USP46: variants seen among roughly 807,000 people sequenced by gnomAD.
The protein encoded by USP46 is ubiquitin carboxyl-terminal hydrolase 46.
USP46 carries 12 observed loss-of-function variants against 44.4 expected under a neutral mutation model. That is an observed-to-expected ratio of 0.27 (90% CI 0.17 to 0.44). The LOEUF (loss-of-function observed/expected upper bound fraction) is 0.44, where lower values mean the gene tolerates loss of function less well. Among genes scored for constraint, USP46 ranks in the 20% least tolerant of loss-of-function variants. The pLI is 1.00. For missense variants in USP46, 248 were observed against 444.8 expected, an observed-to-expected ratio of 0.56 and a Z score of 3.98; for synonymous variants, 155 against 161.5, an observed-to-expected ratio of 0.96 and a Z score of 0.31.
intron 4 of USP46, among the ~76,000 whole-genome samples, chr4:52,611,262 G>A (rs374647215): frequency 5.9e-5 from 9 of 152,350 alleles, no homozygotes; most frequent in African/African-American, 1.9e-4. Flanking sequence ...CCGCCATACC[G>A]TGGGCAGCTC....
intron 7 of USP46, among the ~76,000 whole-genome samples, chr4:52,601,254 C>T (rs1468795903): frequency 6.6e-6 from 1 of 152,148 alleles, no homozygotes; most frequent in Non-Finnish European, 1.5e-5. Context: ...TACTTTTCTT[C>T]CCTTATACCA....
chr4:52,591,782 A>G lies in USP46; in HGVS notation c.*5858T>C, dbSNP rs903008144. 1 of 152,190 alleles carries G rather than the reference A, an allele frequency of 6.6e-6. No homozygotes were observed. Among genetic ancestry groups the G allele is most frequent in the Non-Finnish European group, 1.5e-5 (1 of 68,044 alleles). The allele number at this position is 152,190 out of a possible 1,614,324, so 9.4% of individuals were successfully genotyped here. A position where few individuals can be genotyped will look rare whatever the true frequency, so the allele number is the denominator to read the frequency against. ...TGCACCAATAAATCGCTTATGCCCT[A>G]TCTTATTTTGGTAAGTCTAGATAGG... On this transcript the variant is annotated 3_prime_UTR_variant, in exon 9 of 9. Coordinates refer to ENST00000441222, the MANE Select transcript of USP46 (RefSeq NM_022832.4).
chr4:52,637,832 C>T (rs893012874), intron 1 of USP46, among the ~76,000 whole-genome samples: 2 of 152,194 alleles, frequency 1.3e-5, no homozygotes, highest in African/African-American at 4.8e-5. Context: ...TCCTGCCCCT[C>T]ATCCCCTGTT....
chr4:52,628,112 G>A lies in USP46; in HGVS notation c.169C>T (p.Arg57Cys). Residue 57 changes from arginine (R) to cysteine (C), a missense_variant, in exon 3 of 9, where the codon CGT becomes TGT. Arg to Cys is a radical substitution (Grantham distance 180, BLOSUM62 -3). Transcript: ENST00000441222. ...NSVLQALYFC[R>C]PFRENVLAYK... ...GCCAACACATTCTCCCGGAATGGAC[G>A]GCAGAAGTACAATGCCTGAAGCACG... 11 of 1,613,916 alleles carry A rather than the reference G, an allele frequency of 6.8e-6. No homozygotes were observed. Among genetic ancestry groups the A allele is most frequent in the Non-Finnish European group, 8.5e-6 (10 of 1,179,870 alleles).
intron 4 of USP46, among the ~76,000 whole-genome samples, chr4:52,611,935 G>C (rs962642447): frequency 2.6e-5 from 4 of 152,082 alleles, no homozygotes; most frequent in African/African-American, 9.7e-5. Context: ...CACAAGAATG[G>C]TTATTGCCCA....
At chr4:52,635,888 G>A (rs747842688) in intron 1 of USP46, among the ~76,000 whole-genome samples, 1 of 152,188 alleles carries the variant, frequency 6.6e-6, no homozygotes, top group Admixed American at 6.5e-5. Context: ...GGGAGAAGTG[G>A]GGGTGGAGGA....
chr4:52,634,926 T>C (rs986495608), intron 1 of USP46, among the ~76,000 whole-genome samples: 9 of 152,220 alleles, frequency 5.9e-5, no homozygotes, highest in African/African-American at 1.9e-4. Flanking sequence ...TATTTTTCAA[T>C]TGTCTTTTAT....
chr4:52,643,743 T>C (rs890710573), intron 1 of USP46, among the ~76,000 whole-genome samples: 3 of 152,192 alleles, frequency 2.0e-5, no homozygotes, highest in Non-Finnish European at 4.4e-5. Context: ...TCATTTAATC[T>C]TGCCTGCCAC....
At chr4:52,624,997 A>C (rs1717520721) in intron 4 of USP46, among the ~76,000 whole-genome samples, 1 of 152,196 alleles carries the variant, frequency 6.6e-6, no homozygotes, top group Non-Finnish European at 1.5e-5. Context: ...AGACCAGACT[A>C]AGACACAGGC....
rs79706269 is a variant in USP46, at chr4:52,657,791, C to T, written c.36+1324G>A. ...TGTGCAGCTATCACTCTGGGAGGCC[C>T]CAGCATTTGCTTTGCTGGCCGTGAC... On this transcript the variant is annotated intron_variant, in intron 1 of 8. Transcript: ENST00000441222. 9.5e-3 allele frequency among the ~76,000 whole-genome samples: 1,451 copies of T among 152,328 alleles called. 45 individuals carry two copies. The highest frequency in any genetic ancestry group is 0.084 in the East Asian group (433 of 5,178).
Position 52,623,787 on chromosome 4 carries a change from G to A in USP46, c.561+2231C>T, listed in dbSNP as rs558707609. Among the ~76,000 whole-genome samples the A allele has an allele frequency of 3.2e-4, 49 of 152,144 alleles. No individual in the cohort carries two copies. In the South Asian group the frequency reaches 3.3e-3, roughly 10 times the overall value. On this transcript the variant is annotated intron_variant, in intron 4 of 8. Coordinates refer to ENST00000441222, the MANE Select transcript of USP46 (RefSeq NM_022832.4). ...CTAAAAATACAAGAGTTAGCCAGGC[G>A]TGGTGGTGGGCGCCTGTAATCCCAG...
At chr4:52,658,044 C>T (rs889908164) in intron 1 of USP46, 1 of 355,956 alleles carries the variant, frequency 2.8e-6, no homozygotes, top group Non-Finnish European at 5.6e-6. Context: ...GTATTACTAG[C>T]TTCAAGGGAG....
At chr4:52,657,955 T>C (rs1719016066) in intron 1 of USP46, among the ~76,000 whole-genome samples, 1 of 152,286 alleles carries the variant, frequency 6.6e-6, no homozygotes, top group East Asian at 1.9e-4. Context: ...TAAAAAGCTA[T>C]GTGATGGGGG....
At chr4:52,644,218 T>C (rs1277341713) in intron 1 of USP46, among the ~76,000 whole-genome samples, 2 of 152,156 alleles carry the variant, frequency 1.3e-5, no homozygotes, top group Non-Finnish European at 2.9e-5. Context: ...CAAGGTCAAG[T>C]GTTAGCATGA....
intron 1 of USP46, among the ~76,000 whole-genome samples, chr4:52,645,302 T>C (rs994444830): frequency 2.6e-5 from 4 of 151,306 alleles, no homozygotes; most frequent in African/African-American, 9.7e-5. Flanking sequence ...CATCTGCCAC[T>C]GAAGAAAGCT....
intron 1 of USP46, among the ~76,000 whole-genome samples, chr4:52,640,996 G>C (rs1718319201): frequency 1.3e-5 from 2 of 151,228 alleles, no homozygotes; most frequent in Non-Finnish European, 2.9e-5. Flanking sequence ...TTAACTTCCT[G>C]GCTGAGAGGC....
rs1419088036 is a variant in USP46 at position 52,593,277 on chromosome 4, C to T, written c.*4363G>A. The T allele has an allele frequency of 4.6e-6, 1 of 218,342 alleles. No individual in the cohort carries two copies. The highest frequency in any genetic ancestry group is 8.9e-6 in the Non-Finnish European group (1 of 111,766). The allele number at this position is 218,342 out of a possible 1,614,324, so 13.5% of individuals were successfully genotyped here. A position where few individuals can be genotyped will look rare whatever the true frequency, so the allele number is the denominator to read the frequency against. On this transcript the variant is annotated 3_prime_UTR_variant, in exon 9 of 9. Coordinates refer to ENST00000441222, the MANE Select transcript of USP46 (RefSeq NM_022832.4). ...CTATAAATCCCAGGACAAAGTGAGG[C>T]CTAGGAAAGAAAAACACAGTCCCAA...
intron 4 of USP46, among the ~76,000 whole-genome samples, chr4:52,614,719 T>C (rs1717056212): frequency 6.6e-6 from 1 of 152,212 alleles, no homozygotes; most frequent in South Asian, 2.1e-4. Context: ...ATGATAAATA[T>C]TTGTGCAAAT....
intron 1 of USP46, among the ~76,000 whole-genome samples, chr4:52,649,147 G>A (rs1370852580): frequency 2.0e-5 from 3 of 152,156 alleles, no homozygotes; most frequent in African/African-American, 4.8e-5. Flanking sequence ...TCCTCCCAAA[G>A]TGCCCCACTA....
Sources: gnomAD v4.1 joint callset for allele counts (sites outside exome capture counted in the v4.1 genomes callset) on GRCh38, gnomAD v4.1.1 for gene constraint, MANE v1.5 for transcripts, NCBI Gene and HGNC (gene_info 2026-07-23, HGNC 2026-07-21) for gene names.